JAM3: variants seen among roughly 807,000 people sequenced by gnomAD.
JAM3 encodes the protein junctional adhesion molecule 3.
In JAM3, 31 loss-of-function variants were observed where a neutral mutation model predicts 39.4. The observed-to-expected ratio is 0.79, with a 90% CI of 0.59 to 1.06. The LOEUF (loss-of-function observed/expected upper bound fraction) is 1.06, where lower values mean the gene tolerates loss of function less well. Among genes scored for constraint, JAM3 ranks in the 50% least tolerant of loss-of-function variants. The pLI, the probability that JAM3 is intolerant of heterozygous loss-of-function variation, is 0.00. For synonymous variants in JAM3, 182 were observed against 148.7 expected (o/e 1.22, Z -1.63); for missense variants, 455 against 391.4 (o/e 1.16, Z -1.37).
At chr11:134,143,833 GGAGT>G (rs1195442998) in intron 3 of JAM3, among the ~76,000 whole-genome samples, 24 of 152,196 alleles carry the variant, frequency 1.6e-4, no homozygotes, top group African/African-American at 2.7e-4. Flanking sequence ...TGTTGTATAT[GGAGT>G]GAGAGAGAGG....
intron 1 of JAM3, among the ~76,000 whole-genome samples, chr11:134,110,422 C>T (rs1404574404): frequency 6.6e-6 from 1 of 152,176 alleles, no homozygotes; most frequent in East Asian, 1.9e-4. Flanking sequence ...AAATAAACAT[C>T]TGGTGGTATT....
chr11:134,142,777 C>G (rs191585564), intron 3 of JAM3, among the ~76,000 whole-genome samples: 57 of 152,170 alleles, frequency 3.7e-4, no homozygotes, highest in Admixed American at 1.1e-3. Flanking sequence ...AGTCAGTCCT[C>G]CTCCCGCATC....
At chr11:134,140,956 T>C (rs1275027981) in intron 3 of JAM3, among the ~76,000 whole-genome samples, 186 bp downstream of exon 3, 1 of 151,882 alleles carries the variant, frequency 6.6e-6, no homozygotes, top group Non-Finnish European at 1.5e-5. Flanking sequence ...AAATGGTATA[T>C]CAAGCCTCCC....
At chr11:134,117,886 C>G (rs1012044376) in intron 1 of JAM3, among the ~76,000 whole-genome samples, 1 of 152,200 alleles carries the variant, frequency 6.6e-6, no homozygotes, top group Non-Finnish European at 1.5e-5. Flanking sequence ...CCGAAGGGTA[C>G]TGTGAGCCCT....
At position 134,149,704 on chromosome 11, in the gene JAM3, G is replaced by T. The variant is rs1229974602; in HGVS notation, c.*523G>T. On this transcript the variant is annotated 3_prime_UTR_variant, in exon 9 of 9. Transcript: ENST00000299106. ...TTTCTTCTTAAAGGCTCTGCTGATCGGTGTTGCAGTGTCCATTGTGGAGAA... is the reference window on the plus strand; with the variant it reads ...TTTCTTCTTAAAGGCTCTGCTGATCTGTGTTGCAGTGTCCATTGTGGAGAA... 1 of 455,952 alleles carries T rather than the reference G, an allele frequency of 2.2e-6. No individual in the cohort carries two copies. The highest frequency in any genetic ancestry group is 2.4e-5 in the Admixed American group (1 of 42,430). 28.2% of individuals were successfully genotyped at this position (455,952 alleles called of 1,614,324 possible). A position where few individuals can be genotyped will look rare whatever the true frequency, so the allele number is the denominator to read the frequency against.
intron 1 of JAM3, among the ~76,000 whole-genome samples, chr11:134,096,620 T>A (rs1941989197): frequency 6.6e-6 from 1 of 152,262 alleles, no homozygotes; most frequent in Non-Finnish European, 1.5e-5. Context: ...AGGCAGTCTC[T>A]GAAGTCTCAT....
At chr11:134,128,778 T>C (rs1942704817) in intron 1 of JAM3, among the ~76,000 whole-genome samples, 1 of 152,192 alleles carries the variant, frequency 6.6e-6, no homozygotes, top group Admixed American at 6.5e-5. Context: ...TTTTTCTTAA[T>C]AAATCACCCA....
rs1169419454 is a variant in JAM3 at position 134,149,127 on chromosome 11, C to A, written c.898-19C>A. The A allele has an allele frequency of 2.5e-6, 4 of 1,608,864 alleles. No homozygotes were observed. The highest frequency in any genetic ancestry group is 3.4e-6 in the Non-Finnish European group (4 of 1,177,666). ...CCACCAGGCCCCTTGATGGCTCTAA[C>A]TGTGTGTTGGCTTTGCAGGGCGACT... On this transcript the variant is annotated intron_variant, in intron 8 of 8. Transcript: ENST00000299106.
chr11:134,133,207 T>G (rs1043064752), intron 1 of JAM3, among the ~76,000 whole-genome samples: 1 of 152,242 alleles, frequency 6.6e-6, no homozygotes, highest in Middle Eastern at 3.4e-3. Flanking sequence ...ATATGTAGGG[T>G]TTTCTACATC....
rs76206622 is a variant in JAM3, at chr11:134,100,566, G to A, written c.76+31407G>A. On this transcript the variant is annotated intron_variant, in intron 1 of 8. Coordinates refer to ENST00000299106, the MANE Select transcript of JAM3 (RefSeq NM_032801.5). ...AGTCCTGTTTCCCAACTGCTAGTGA[G>A]CTCCTTGAGGGCATCCTTGGGTCTG... Among the ~76,000 whole-genome samples, 1,309 of 152,244 alleles carry A rather than the reference G, an allele frequency of 8.6e-3. 14 individuals carry two copies. Among genetic ancestry groups the A allele is most frequent in the African/African-American group, 0.03 (1,246 of 41,534 alleles).
At chr11:134,145,015 T>G in intron 5 of JAM3, 21 bp downstream of exon 5, 1 of 1,575,726 alleles carries the variant, frequency 6.3e-7, no homozygotes, top group Non-Finnish European at 8.7e-7. Flanking sequence ...TTCTAAGAGG[T>G]GAGGATGGAG....
At chr11:134,121,417 C>T (rs565475275) in intron 1 of JAM3, among the ~76,000 whole-genome samples, 4 of 145,198 alleles carry the variant, frequency 2.8e-5, no homozygotes, top group East Asian at 3.9e-4. Context: ...TGAGCAGAAG[C>T]GAGTCAGTAT....
At chr11:134,124,268 G>C (rs1367502722) in intron 1 of JAM3, 7 of 1,008,526 alleles carry the variant, frequency 6.9e-6, no homozygotes, top group Middle Eastern at 2.5e-4. Flanking sequence ...TGGTAGGGTT[G>C]TGAGTTACAA....
At chr11:134,140,898 T>C (rs922401828) in intron 3 of JAM3, 128 bp downstream of exon 3, 18 of 1,124,054 alleles carry the variant, frequency 1.6e-5, no homozygotes, top group Non-Finnish European at 1.9e-5. Context: ...TTTTTTTTTT[T>C]AAAGATTTAT....
At chr11:134,131,818 G>T (rs1399257247) in intron 1 of JAM3, among the ~76,000 whole-genome samples, 2 of 152,236 alleles carry the variant, frequency 1.3e-5, no homozygotes, top group East Asian at 1.9e-4. Flanking sequence ...TTACTAGAGG[G>T]TTTCAACAGC....
intron 1 of JAM3, among the ~76,000 whole-genome samples, chr11:134,090,384 C>G (rs1449154034): frequency 1.3e-5 from 2 of 152,020 alleles, no homozygotes; most frequent in African/African-American, 4.8e-5. Context: ...CTTGCCCATG[C>G]CTATGTGCTG....
In JAM3 at chr11:134,150,904, C is replaced by T. The variant is rs779290885; in HGVS notation, c.*1723C>T. ...AGGCCTGGCGGGGAGGAAAGTGAAA[C>T]GCCTGAATCAAAAGCAGTTTTCTAA... is the stretch of plus-strand genomic sequence containing the variant. On this transcript the variant is annotated 3_prime_UTR_variant, in exon 9 of 9. Coordinates refer to ENST00000299106, the MANE Select transcript of JAM3 (RefSeq NM_032801.5). The T allele has an allele frequency of 7.2e-5, 11 of 152,128 alleles. No homozygotes were observed. Among genetic ancestry groups the T allele is most frequent in the African/African-American group, 1.2e-4 (5 of 41,408 alleles). 9.4% of individuals were successfully genotyped at this position (152,128 alleles called of 1,614,324 possible). A position where few individuals can be genotyped will look rare whatever the true frequency, so the allele number is the denominator to read the frequency against.
intron 1 of JAM3, among the ~76,000 whole-genome samples, chr11:134,129,475 C>G (rs1048197169): frequency 6.6e-6 from 1 of 152,158 alleles, no homozygotes; most frequent in South Asian, 2.1e-4. Flanking sequence ...CCCTTATGAC[C>G]TTCTTTAACA....
intron 1 of JAM3, among the ~76,000 whole-genome samples, chr11:134,133,594 G>T (rs1942808310): frequency 6.6e-6 from 1 of 152,070 alleles, no homozygotes; most frequent in African/African-American, 2.4e-5. Flanking sequence ...TACTGTAATT[G>T]ATTTTTATGT....
Sources: gnomAD v4.1 joint callset for allele counts (sites outside exome capture counted in the v4.1 genomes callset) on GRCh38, gnomAD v4.1.1 for gene constraint, MANE v1.5 for transcripts, NCBI Gene and HGNC (gene_info 2026-07-23, HGNC 2026-07-21) for gene names.